Variants in TRAPPC13 observed in about 807,000 individuals in gnomAD.
TRAPPC13 encodes the protein REV7-interacting novel NHEJ regulator 1.
A neutral mutation model predicts 54.0 loss-of-function variants in TRAPPC13; 39 were observed. The ratio of observed to expected loss-of-function variants is 0.72; its 90% CI spans 0.56 to 0.94. TRAPPC13 has a LOEUF of 0.94. TRAPPC13 is among the 40% of genes least tolerant of loss of function. The pLI, the probability that TRAPPC13 is intolerant of heterozygous loss-of-function variation, is 0.00. For synonymous variants in TRAPPC13, 148 were observed against 167.7 expected (o/e 0.88, Z 0.91); for missense variants, 386 against 488.1 (o/e 0.79, Z 1.97).
Position 65,658,427 on chromosome 5 carries a change from G to A in TRAPPC13, c.624G>A (p.Met208Ile). 6.3e-7 allele frequency: 1 copy of A among 1,595,640 alleles called. No individual in the cohort carries two copies. Among genetic ancestry groups the A allele is most frequent in the Non-Finnish European group, 8.5e-7 (1 of 1,169,602 alleles). The change falls in exon 9 of 13, where the codon ATG (methionine) becomes ATA (isoleucine). Residue 208 changes from methionine to isoleucine, a missense_variant. Physicochemically the swap from Met to Ile is conservative, Grantham distance 10. Transcript: ENST00000399438. ...IQNMTTSPMF[M>I]EKVSLEPSIM... is the part of the protein sequence containing the mutation. Reference sequence around the variant, plus strand: ...ATATGACAACCTCACCTATGTTTATGGAGAAGGTTTCACTGGAGCCATCTA... The same window carrying A: ...ATATGACAACCTCACCTATGTTTATAGAGAAGGTTTCACTGGAGCCATCTA...
intron 5 of TRAPPC13, among the ~76,000 whole-genome samples, chr5:65,649,950 G>T (rs1391845343): frequency 3.3e-5 from 5 of 150,506 alleles, no homozygotes; most frequent in African/African-American, 4.9e-5. Flanking sequence ...TCTGCCTTCC[G>T]GGTTCACGCC....
At position 65,654,154 on chromosome 5, in the gene TRAPPC13, T is replaced by C. The variant is rs145425533; in HGVS notation, c.547-1482T>C. Reference sequence around the variant, plus strand: ...TTATAACGCTAATATTCAGAGTGATTTGTGAATAATTTTAAAAATTGCTAG... The same window carrying C: ...TTATAACGCTAATATTCAGAGTGATCTGTGAATAATTTTAAAAATTGCTAG... On this transcript the variant is annotated intron_variant, in intron 7 of 12. Transcript: ENST00000399438. Among the ~76,000 whole-genome samples the C allele has an allele frequency of 5.3e-5, 8 of 152,290 alleles. No homozygotes were observed. The East Asian group carries it at 1.5e-3, about 29-fold the overall frequency.
intron 1 of TRAPPC13, among the ~76,000 whole-genome samples, chr5:65,633,977 G>C (rs1333847978): frequency 1.7e-5 from 1 of 60,450 alleles, no homozygotes; most frequent in Non-Finnish European, 2.8e-5. Flanking sequence ...CTCTCCCAGC[G>C]TTTTTTTTTT....
At chr5:65,660,263 G>A (rs1428165388) in intron 9 of TRAPPC13, among the ~76,000 whole-genome samples, 1 of 151,830 alleles carries the variant, frequency 6.6e-6, no homozygotes, top group East Asian at 1.9e-4. Flanking sequence ...TCTGGTTTCT[G>A]TTGCACTTTT....
intron 1 of TRAPPC13, chr5:65,625,925 T>A (rs37253): frequency 1.3e-5 from 2 of 152,012 alleles, no homozygotes; most frequent in Non-Finnish European, 2.9e-5. Flanking sequence ...ACTTTACTTA[T>A]GGCATCCATT....
At chr5:65,652,178 G>A (rs892040002) in intron 6 of TRAPPC13, among the ~76,000 whole-genome samples, 9 of 151,546 alleles carry the variant, frequency 5.9e-5, no homozygotes, top group African/African-American at 1.2e-4. Flanking sequence ...GCTTTTTTTT[G>A]CAAACAGTTT....
At chr5:65,643,581 G>A (rs1247817906) in intron 4 of TRAPPC13, among the ~76,000 whole-genome samples, 1 of 151,978 alleles carries the variant, frequency 6.6e-6, no homozygotes, top group Non-Finnish European at 1.5e-5. Context: ...CACTTTGGGA[G>A]GCCGAGGCGG....
At chr5:65,629,872 T>G in intron 1 of TRAPPC13, 1 of 1,536,086 alleles carries the variant, frequency 6.5e-7, no homozygotes, top group Non-Finnish European at 8.7e-7. Flanking sequence ...AGTTTCAACC[T>G]AGCTTGAAAA....
chr5:65,643,043 C>T (rs1296746054), intron 4 of TRAPPC13, among the ~76,000 whole-genome samples: 1 of 151,956 alleles, frequency 6.6e-6, no homozygotes, highest in Non-Finnish European at 1.5e-5. Context: ...CAGAATTGCC[C>T]AAATTAAAAA....
intron 1 of TRAPPC13, chr5:65,629,530 T>C: frequency 4.8e-6 from 7 of 1,467,610 alleles, no homozygotes; most frequent in Non-Finnish European, 6.3e-6. Context: ...ACATTCTAGC[T>C]CTGAGGAGTT....
chr5:65,660,524 A>G (rs937446801), intron 9 of TRAPPC13, among the ~76,000 whole-genome samples, 175 bp from the exon 10 acceptor site: 8 of 152,152 alleles, frequency 5.3e-5, no homozygotes, highest in Non-Finnish European at 1.2e-4. Context: ...TGAAGGAAAA[A>G]TAAATCATTG....
chr5:65,658,488 C>G lies in TRAPPC13; in HGVS notation c.685C>G (p.Gln229Glu). 5 of 1,567,334 alleles carry G rather than the reference C, an allele frequency of 3.2e-6. No homozygotes were observed. The African/African-American group carries it at 6.8e-5, about 21-fold the overall frequency. ...TGTAACAGAATTAAATTCAGTCAGC[C>G]AAGCTGGAGAATGGTAAATATTAAT... is the stretch of plus-strand genomic sequence containing the variant. ...YNVTELNSVS[Q>E]AGECVSTFGS... The change falls in exon 9 of 13, where the codon CAA (glutamine) becomes GAA (glutamate). Residue 229 changes from glutamine to glutamate, a missense_variant. Coordinates refer to ENST00000399438, the MANE Select transcript of TRAPPC13 (RefSeq NM_024941.4).
At chr5:65,644,689 T>C (rs959049147) in intron 4 of TRAPPC13, among the ~76,000 whole-genome samples, 2 of 152,114 alleles carry the variant, frequency 1.3e-5, no homozygotes, top group Non-Finnish European at 2.9e-5. Context: ...GAGACCAGCC[T>C]GGCCAACATG....
intron 4 of TRAPPC13, among the ~76,000 whole-genome samples, chr5:65,646,696 T>G (rs540585440): frequency 9.2e-5 from 14 of 152,342 alleles, no homozygotes; most frequent in African/African-American, 2.6e-4. Context: ...GTTAAGATTT[T>G]GTTTTCCAAA....
intron 1 of TRAPPC13, chr5:65,630,336 T>G: frequency 6.7e-7 from 1 of 1,500,196 alleles, no homozygotes; most frequent in Non-Finnish European, 8.9e-7. Context: ...ATTTTTAGTA[T>G]GTAATGAATT....
intron 5 of TRAPPC13, 35 bp downstream of exon 5, chr5:65,647,217 T>A (rs996637035): frequency 1.9e-6 from 3 of 1,544,752 alleles, no homozygotes; most frequent in African/African-American, 2.8e-5. Context: ...CAAAGGTTTT[T>A]ACTTATATAT....
intron 1 of TRAPPC13, chr5:65,626,345 A>T (rs1755229516): frequency 6.6e-6 from 1 of 152,242 alleles, no homozygotes. Flanking sequence ...ATGAAGCAGC[A>T]TTCTCAGAGA....
In TRAPPC13 at chr5:65,647,080, G is replaced by A. The variant is rs1174575049; in HGVS notation, c.326G>A (p.Arg109His). Residue 109 changes from arginine to histidine, a missense_variant, in exon 5 of 13, where the codon CGT (arginine) becomes CAT (histidine). Coordinates refer to ENST00000399438, the MANE Select transcript of TRAPPC13 (RefSeq NM_024941.4). The stretch of plus-strand genomic sequence containing the variant: ...GCTGATCTTCAGACAAGTTCTCAGC[G>A]TTTAAATCTTTCAGCCTCCAATGCT... ...VKADLQTSSQ[R>H]LNLSASNAAV... The A allele has an allele frequency of 7.1e-6, 11 of 1,544,444 alleles. No homozygotes were observed. The highest frequency in any genetic ancestry group is 2.8e-5 in the African/African-American group (2 of 71,874).
At chr5:65,629,982 G>A (rs1755459454) in intron 1 of TRAPPC13, 1 of 1,535,834 alleles carries the variant, frequency 6.5e-7, no homozygotes, top group Non-Finnish European at 8.7e-7. Flanking sequence ...AGGAGATCTT[G>A]GAGTATTTCC....
Sources: allele counts gnomAD v4.1 joint callset (sites outside exome capture counted in the v4.1 genomes callset), GRCh38; gene constraint gnomAD v4.1.1; transcripts MANE v1.5; gene names NCBI Gene and HGNC (gene_info 2026-07-23, HGNC 2026-07-21).